The following TBL1XR1 variants were observed in gnomAD, a reference collection of about 807,000 sequenced individuals.
TBL1XR1 encodes the protein F-box-like/WD repeat-containing protein TBL1XR1.
TBL1XR1 carries 5 observed loss-of-function variants against 66.9 expected under a neutral mutation model. The observed-to-expected ratio is 0.07, with a 90% CI of 0.04 to 0.16. The LOEUF is 0.16. Among genes scored for constraint, TBL1XR1 ranks in the 10% least tolerant of loss-of-function variants. The probability of loss-of-function intolerance (pLI) is 1.00; values close to 1 mark genes in which losing one functional copy is unlikely to be tolerated. For synonymous variants in TBL1XR1, 210 were observed against 206.0 expected (o/e 1.02, Z -0.17); for missense variants, 238 against 623.2 (o/e 0.38, Z 6.58).
rs562182076 is a variant in TBL1XR1 at position 177,145,092 on chromosome 3, CT to C, written c.-121-46552del. On this transcript the variant is annotated intron_variant, in intron 1 of 15. Coordinates refer to ENST00000457928, the MANE Select transcript of TBL1XR1 (RefSeq NM_024665.7). ...ATAACTTCAAGTGGTACCAGGCAAG[CT>C]TAACGAACAGGAACCTAGTGGTTAT... Among the ~76,000 whole-genome samples the C allele has an allele frequency of 2.6e-4, 39 of 152,272 alleles. No homozygotes were observed. In the South Asian group the frequency reaches 7.9e-3, roughly 31 times the overall value.
intron 14 of TBL1XR1, among the ~76,000 whole-genome samples, chr3:177,029,733 C>G (rs1713672468): frequency 1.3e-5 from 2 of 152,028 alleles, no homozygotes; most frequent in African/African-American, 4.8e-5. Context: ...TCCATATAAC[C>G]AGGAAGGATT....
intron 1 of TBL1XR1, among the ~76,000 whole-genome samples, chr3:177,105,847 T>C (rs903387674): frequency 4.0e-5 from 6 of 150,918 alleles, no homozygotes; most frequent in African/African-American, 1.2e-4. Flanking sequence ...TGGGTGGGGG[T>C]GGGAAGGGAA....
chr3:177,176,806 C>G (rs1269810172), intron 1 of TBL1XR1, among the ~76,000 whole-genome samples: 1 of 151,946 alleles, frequency 6.6e-6, no homozygotes, highest in Non-Finnish European at 1.5e-5. Context: ...AAGAAAAACT[C>G]TGTCTCAAAA....
At chr3:177,044,311 A>G (rs1456896129) in intron 10 of TBL1XR1, among the ~76,000 whole-genome samples, 3 of 152,202 alleles carry the variant, frequency 2.0e-5, no homozygotes, top group East Asian at 3.8e-4. Context: ...GTGCAGTTGG[A>G]AATCTGCACA....
Position 177,178,134 on chromosome 3 carries a change from T to C in TBL1XR1, c.-122+18987A>G, listed in dbSNP as rs566589551. On this transcript the variant is annotated intron_variant, in intron 1 of 15. Transcript: ENST00000457928. The stretch of plus-strand genomic sequence containing the variant: ...TTGTTCAGTGGGTGTGGAGCTGGAA[T>C]GGCTGGGCACGGTGAACAAGGTGAA... Among the ~76,000 whole-genome samples, 3 of 152,304 alleles carry C rather than the reference T, an allele frequency of 2.0e-5. No homozygotes were observed. In the South Asian group the frequency reaches 6.2e-4, roughly 32 times the overall value.
chr3:177,182,288 G>C (rs1734919435), intron 1 of TBL1XR1, among the ~76,000 whole-genome samples: 1 of 152,112 alleles, frequency 6.6e-6, no homozygotes, highest in African/African-American at 2.4e-5. Context: ...AGAGGCTGAG[G>C]TGATAGGACC....
intron 1 of TBL1XR1, among the ~76,000 whole-genome samples, chr3:177,187,943 C>CTTTTTTTTTTTTTTTTTTTTT (rs571361204): frequency 5.1e-5 from 4 of 77,838 alleles, no homozygotes; most frequent in African/African-American, 2.6e-4. Flanking sequence ...GTACAATTTC[C>CTTTTTTTTTTTTTTTTTTTTT]TTTTTTTTTT....
At chr3:177,195,513 T>C (rs1736732810) in intron 1 of TBL1XR1, 1 of 94,440 alleles carries the variant, frequency 1.1e-5, no homozygotes, top group African/African-American at 3.0e-5. Flanking sequence ...ATGGGTCTTA[T>C]TTTAACAAAA....
chr3:177,164,375 G>A (rs1005735598), intron 1 of TBL1XR1, among the ~76,000 whole-genome samples: 1 of 150,406 alleles, frequency 6.6e-6, no homozygotes, highest in African/African-American at 2.4e-5. Context: ...TTGAAATGTG[G>A]AGTCTTGCCT....
intron 1 of TBL1XR1, among the ~76,000 whole-genome samples, chr3:177,133,515 G>T (rs762686823): frequency 6.6e-6 from 1 of 152,058 alleles, no homozygotes; most frequent in Non-Finnish European, 1.5e-5. Flanking sequence ...CTTCTCTCTG[G>T]AGTTGGACTA....
At chr3:177,070,542 A>C (rs960833871) in intron 2 of TBL1XR1, among the ~76,000 whole-genome samples, 1 of 152,186 alleles carries the variant, frequency 6.6e-6, no homozygotes, top group Non-Finnish European at 1.5e-5. Context: ...AAGAATTAGA[A>C]AGTCAGACAC....
chr3:177,094,263 A>G (rs1436113086), intron 2 of TBL1XR1, among the ~76,000 whole-genome samples: 1 of 152,226 alleles, frequency 6.6e-6, no homozygotes, highest in African/African-American at 2.4e-5. Flanking sequence ...GCAAATCAAA[A>G]CCACAATGTG....
chr3:177,088,710 T>TAAAAA (rs141356787), intron 2 of TBL1XR1, among the ~76,000 whole-genome samples: 2 of 126,956 alleles, frequency 1.6e-5, no homozygotes, highest in African/African-American at 2.8e-5. Context: ...TTCATTTGTT[T>TAAAAA]AAAAAAAAAA....
At chr3:177,141,099 CA>C (rs1451973279) in intron 1 of TBL1XR1, among the ~76,000 whole-genome samples, 8 of 152,090 alleles carry the variant, frequency 5.3e-5, no homozygotes, top group African/African-American at 1.9e-4. Flanking sequence ...TCAAAGCTTT[CA>C]AATGAAATAT....
intron 7 of TBL1XR1, among the ~76,000 whole-genome samples, chr3:177,048,391 T>C (rs934019996): frequency 1.3e-5 from 2 of 152,198 alleles, no homozygotes; most frequent in South Asian, 2.1e-4. Flanking sequence ...TGACATATTA[T>C]TGATGGTTTT....
intron 1 of TBL1XR1, chr3:177,163,844 C>T (rs1732505475): frequency 6.6e-6 from 1 of 152,118 alleles, no homozygotes; most frequent in Admixed American, 6.6e-5. Context: ...TCATATGTAT[C>T]ACTTTCTATA....
intron 2 of TBL1XR1, among the ~76,000 whole-genome samples, chr3:177,082,736 G>GA (rs1721559133): frequency 7.8e-5 from 1 of 12,760 alleles, no homozygotes; most frequent in African/African-American, 2.7e-4. Context: ...CTAAGATAGA[G>GA]ATTATATATA....
chr3:177,019,786 C>CT lies in TBL1XR1; in HGVS notation c.*5711dup, dbSNP rs1397815189. 1 of 152,028 alleles carries CT rather than the reference C, an allele frequency of 6.6e-6. No individual in the cohort carries two copies. The highest frequency in any genetic ancestry group is 1.5e-5 in the Non-Finnish European group (1 of 68,000). 9.4% of individuals were successfully genotyped at this position (152,028 alleles called of 1,614,324 possible). A position where few individuals can be genotyped will look rare whatever the true frequency, so the allele number is the denominator to read the frequency against. On this transcript the variant is annotated 3_prime_UTR_variant, in exon 16 of 16. Transcript: ENST00000457928. ...GATTCTAATCCTTAGGAGTCCAACC[C>CT]TTTTTGGAAAAGTATACAATGCAGG...
chr3:177,126,795 T>C (rs1029670468), intron 1 of TBL1XR1, among the ~76,000 whole-genome samples: 2 of 121,972 alleles, frequency 1.6e-5, no homozygotes, highest in African/African-American at 3.3e-5. Context: ...ATATCCTTGA[T>C]TTCATCCCCC....
Sources: gnomAD v4.1 joint callset for allele counts (sites outside exome capture counted in the v4.1 genomes callset) on GRCh38, gnomAD v4.1.1 for gene constraint, MANE v1.5 for transcripts, NCBI Gene and HGNC (gene_info 2026-07-23, HGNC 2026-07-21) for gene names.